Variants in PDE1C observed in about 807,000 individuals in gnomAD.
PDE1C encodes the protein phosphodiesterase 1C.
In PDE1C, 62 loss-of-function variants were observed where a neutral mutation model predicts 93.1. That is an observed-to-expected ratio of 0.67 (90% CI 0.54 to 0.82). PDE1C has a LOEUF of 0.82. Ranked by LOEUF, PDE1C falls within the 40% of genes least tolerant of loss-of-function variation. PDE1C has a pLI of 0.00. For synonymous variants in PDE1C, 325 were observed against 310.1 expected (o/e 1.05, Z -0.50); for missense variants, 742 against 884.6 (o/e 0.84, Z 2.04).
At chr7:32,425,079 T>G (rs909519887) in intron 1 of PDE1C, among the ~76,000 whole-genome samples, 1 of 152,016 alleles carries the variant, frequency 6.6e-6, no homozygotes, top group Non-Finnish European at 1.5e-5. Flanking sequence ...GCAATACTGT[T>G]TATGTATATA....
the PDE1C span, among the ~76,000 whole-genome samples, chr7:31,636,335 G>C: frequency 6.6e-6 from 1 of 152,138 alleles, no homozygotes; most frequent in Non-Finnish European, 1.5e-5. Context: ...GTGTTCTAAC[G>C]TATAATTTCA....
chr7:31,792,004 A>G (rs1205691338), intron 16 of PDE1C, among the ~76,000 whole-genome samples: 3 of 152,066 alleles, frequency 2.0e-5, no homozygotes, highest in South Asian at 4.1e-4. Context: ...GAAAGGGTGA[A>G]TAAAAGAAGT....
chr7:32,098,271 C>T (rs1306757936), intron 3 of PDE1C, among the ~76,000 whole-genome samples: 1 of 146,524 alleles, frequency 6.8e-6, no homozygotes, highest in East Asian at 2.0e-4. Flanking sequence ...ATAATTTTCA[C>T]CACAACCCTG....
At chr7:31,982,030 C>T (rs1318446083) in intron 2 of PDE1C, among the ~76,000 whole-genome samples, 1 of 152,234 alleles carries the variant, frequency 6.6e-6, no homozygotes, top group African/African-American at 2.4e-5. Context: ...CCCTTCTAAT[C>T]TGCATGATGC....
At chr7:32,249,766 C>T (rs1809228327) in intron 1 of PDE1C, among the ~76,000 whole-genome samples, 1 of 152,126 alleles carries the variant, frequency 6.6e-6, no homozygotes, top group Admixed American at 6.5e-5. Context: ...AAAAATAAGT[C>T]AATCATCACG....
chr7:32,083,156 A>G (rs1020166800), intron 3 of PDE1C, among the ~76,000 whole-genome samples: 2 of 152,218 alleles, frequency 1.3e-5, no homozygotes, highest in African/African-American at 4.8e-5. Flanking sequence ...AGAAGTGCTT[A>G]AAGGAGGATG....
At chr7:31,815,406 T>C (rs940058723) in intron 15 of PDE1C, among the ~76,000 whole-genome samples, 1 of 152,164 alleles carries the variant, frequency 6.6e-6, no homozygotes, top group Non-Finnish European at 1.5e-5. Flanking sequence ...CCAGTTTGCC[T>C]GGAGCTCTTC....
At chr7:31,703,324 G>A in the PDE1C span, among the ~76,000 whole-genome samples, 1 of 152,178 alleles carries the variant, frequency 6.6e-6, no homozygotes, top group Admixed American at 6.5e-5. Flanking sequence ...CTAACGGGTT[G>A]AGCTCTGTTT....
chr7:31,756,423 CAA>C (rs1794472278), intron 17 of PDE1C, among the ~76,000 whole-genome samples: 1 of 152,058 alleles, frequency 6.6e-6, no homozygotes, highest in African/African-American at 2.4e-5. Context: ...TCAAAGCTGT[CAA>C]AGTCACCAAA....
chr7:32,322,012 G>A (rs1783301571), intron 1 of PDE1C, among the ~76,000 whole-genome samples: 1 of 152,182 alleles, frequency 6.6e-6, no homozygotes, highest in Admixed American at 6.5e-5. Flanking sequence ...AAAACGAGTA[G>A]TAATAATAGT....
intron 1 of PDE1C, among the ~76,000 whole-genome samples, chr7:32,376,109 A>G (rs1784427863): frequency 6.6e-6 from 1 of 152,090 alleles, no homozygotes; most frequent in African/African-American, 2.4e-5. Flanking sequence ...GTGAGCCAAG[A>G]TCATGCCACT....
At chr7:31,767,765 C>T (rs1164782896) in intron 17 of PDE1C, among the ~76,000 whole-genome samples, 1 of 152,130 alleles carries the variant, frequency 6.6e-6, no homozygotes, top group Non-Finnish European at 1.5e-5. Context: ...CAGTTGGCTT[C>T]CAGGGAGGGC....
At chr7:31,735,200 A>C in the PDE1C span, among the ~76,000 whole-genome samples, 1 of 152,164 alleles carries the variant, frequency 6.6e-6, no homozygotes, top group African/African-American at 2.4e-5. Flanking sequence ...GGAGTTTGAG[A>C]CCAGCCTGAC....
chr7:32,022,760 C>A (rs1788857245), intron 2 of PDE1C, among the ~76,000 whole-genome samples: 1 of 151,492 alleles, frequency 6.6e-6, no homozygotes, highest in African/African-American at 2.4e-5. Context: ...TGAAAAGGAC[C>A]TCCTGGGAAA....
chr7:31,620,331 C>T, the PDE1C span, among the ~76,000 whole-genome samples: 1 of 151,988 alleles, frequency 6.6e-6, no homozygotes, highest in Non-Finnish European at 1.5e-5. Flanking sequence ...ACCCCTGACC[C>T]CTGAGCAGCC....
At chr7:32,132,229 C>G (rs988238030) in intron 3 of PDE1C, among the ~76,000 whole-genome samples, 4 of 152,226 alleles carry the variant, frequency 2.6e-5, no homozygotes, top group African/African-American at 9.6e-5. Flanking sequence ...AGTGAGCAAG[C>G]AGCAAACGGG....
the PDE1C span, among the ~76,000 whole-genome samples, chr7:31,721,107 G>T: frequency 1.3e-5 from 2 of 152,140 alleles, no homozygotes; most frequent in African/African-American, 4.8e-5. Context: ...ATAATGCTTG[G>T]CAAAAGGGAG....
intron 2 of PDE1C, among the ~76,000 whole-genome samples, chr7:31,956,126 CAG>C (rs1423364078): frequency 2.0e-5 from 3 of 151,652 alleles, no homozygotes; most frequent in African/African-American, 7.3e-5. Context: ...TTTTTTGAGA[CAG>C]AGTCGCCCAG....
Position 31,901,561 on chromosome 7 carries a change from C to G in PDE1C, c.129-20701G>C, listed in dbSNP as rs534565064. On this transcript the variant is annotated intron_variant, in intron 2 of 17. Transcript: ENST00000396191. ...CATTTTAAAGATATAAATTTCTCCT[C>G]AAATTAAATTCTAAACTATGGATTT... 6.4e-4 allele frequency among the ~76,000 whole-genome samples: 97 copies of G among 151,122 alleles called. 1 individual carries two copies. Among genetic ancestry groups the G allele is most frequent in the African/African-American group, 2.2e-3 (92 of 41,490 alleles).
Sources: gnomAD v4.1 joint callset for allele counts (sites outside exome capture counted in the v4.1 genomes callset) on GRCh38, gnomAD v4.1.1 for gene constraint, MANE v1.5 for transcripts, NCBI Gene and HGNC (gene_info 2026-07-23, HGNC 2026-07-21) for gene names.